Variants in SERPINE2 observed in about 807,000 individuals in gnomAD.
SERPINE2 encodes serpin family E member 2, also known as glia-derived nexin.
SERPINE2 carries 14 observed loss-of-function variants against 36.3 expected under a neutral mutation model. The observed-to-expected ratio is 0.39, with a 90% CI of 0.25 to 0.60. The LOEUF is 0.60. Ranked by LOEUF, SERPINE2 falls within the 20% of genes least tolerant of loss-of-function variation. The pLI is 0.57. For synonymous variants in SERPINE2, 192 were observed against 191.8 expected (o/e 1.00, Z -0.01); for missense variants, 418 against 499.6 (o/e 0.84, Z 1.56).
intron 6 of SERPINE2, 104 bp from the exon 7 acceptor site, chr2:223,980,501 T>C: frequency 1.1e-6 from 1 of 949,252 alleles, no homozygotes; most frequent in South Asian, 1.4e-5. Flanking sequence ...AATTCCAATT[T>C]TTAAAGTGTC....
chr2:223,998,273 A>G lies in SERPINE2; in HGVS notation c.329T>C (p.Val110Ala), dbSNP rs756488727. 6.2e-7 allele frequency: 1 copy of G among 1,614,246 alleles called. No individual in the cohort carries two copies. The highest frequency in any genetic ancestry group is 8.5e-7 in the Non-Finnish European group (1 of 1,180,020). ...ATTCTTAACAAACACGGCGTTAGCC[A>G]CTGTCACAATGTCTTTATTCTTCTT... is the stretch of plus-strand genomic sequence containing the variant. ...VSKKNKDIVT[V>A]ANAVFVKNAS... is the part of the protein sequence containing the mutation. The change falls in exon 3 of 9, where the codon GTG (valine) becomes GCG (alanine). Residue 110 changes from valine to alanine, a missense_variant. By Grantham distance (64) the Val-to-Ala change is moderately conservative (BLOSUM62 0). Coordinates refer to ENST00000409304, the MANE Select transcript of SERPINE2 (RefSeq NM_001136528.2).
chr2:224,036,774 A>T (rs1692551220), intron 1 of SERPINE2, among the ~76,000 whole-genome samples: 1 of 152,150 alleles, frequency 6.6e-6, no homozygotes, highest in Non-Finnish European at 1.5e-5. Flanking sequence ...CGTGGTTGTC[A>T]CTACAGGTGA....
chr2:224,033,662 C>CAAA (rs11394673), intron 1 of SERPINE2, among the ~76,000 whole-genome samples: 3 of 126,580 alleles, frequency 2.4e-5, no homozygotes, highest in Non-Finnish European at 3.3e-5. Context: ...AGTTCCATGG[C>CAAA]AAAAAAAAAA....
intron 8 of SERPINE2, among the ~76,000 whole-genome samples, chr2:223,976,747 G>A (rs1356637188): frequency 6.6e-6 from 1 of 152,210 alleles, no homozygotes; most frequent in African/African-American, 2.4e-5. Flanking sequence ...CTTAAGGCCA[G>A]AGCCAAGTTT....
At chr2:223,992,333 A>G (rs758761238) in intron 3 of SERPINE2, among the ~76,000 whole-genome samples, 6 of 85,638 alleles carry the variant, frequency 7.0e-5, no homozygotes, top group Non-Finnish European at 1.1e-4. Flanking sequence ...GCTACATTTG[A>G]TAATGAATTA....
chr2:224,024,472 G>A (rs76027831), intron 1 of SERPINE2, among the ~76,000 whole-genome samples: 1 of 152,176 alleles, frequency 6.6e-6, no homozygotes, highest in Non-Finnish European at 1.5e-5. Flanking sequence ...GCCTTGTGAA[G>A]GGATTTAAGG....
chr2:224,011,182 G>A (rs961355241), intron 1 of SERPINE2, among the ~76,000 whole-genome samples: 2 of 152,154 alleles, frequency 1.3e-5, no homozygotes, highest in Admixed American at 6.5e-5. Flanking sequence ...TCTTTAAGAC[G>A]TAATGGTCCA....
chr2:224,024,492 C>A (rs1484995674), intron 1 of SERPINE2, among the ~76,000 whole-genome samples: 1 of 152,130 alleles, frequency 6.6e-6, no homozygotes, highest in Non-Finnish European at 1.5e-5. Context: ...GGCCAGGGGA[C>A]GTTTGCTATT....
chr2:224,019,546 T>A (rs1422261404), intron 1 of SERPINE2, among the ~76,000 whole-genome samples: 1 of 150,520 alleles, frequency 6.6e-6, no homozygotes, highest in Non-Finnish European at 1.5e-5. Context: ...ACCTTGTTCA[T>A]CCTGTTCACC....
chr2:223,994,157 C>T (rs773829833), intron 3 of SERPINE2, among the ~76,000 whole-genome samples: 2 of 152,196 alleles, frequency 1.3e-5, no homozygotes, highest in Non-Finnish European at 2.9e-5. Context: ...CCCACCATGA[C>T]ACCTGCAGTA....
At chr2:224,016,473 T>A (rs1175684597) in intron 1 of SERPINE2, among the ~76,000 whole-genome samples, 1 of 149,360 alleles carries the variant, frequency 6.7e-6, no homozygotes, top group Non-Finnish European at 1.5e-5. Flanking sequence ...GCTATTGCAC[T>A]CCAGCCTGGG....
chr2:224,011,001 GTC>G, intron 1 of SERPINE2, among the ~76,000 whole-genome samples: 1 of 152,258 alleles, frequency 6.6e-6, no homozygotes, highest in East Asian at 1.9e-4. Context: ...GCGTTTTGCC[GTC>G]TCTGTAAGAG....
At chr2:224,038,699 G>C (rs1282681229) in intron 1 of SERPINE2, 2 of 616,726 alleles carry the variant, frequency 3.2e-6, no homozygotes, top group Non-Finnish European at 5.8e-6. Context: ...TCCGGGGTAG[G>C]GGTTGCCGGC....
intron 1 of SERPINE2, among the ~76,000 whole-genome samples, chr2:224,003,771 G>C (rs183490101): frequency 2.0e-5 from 3 of 152,206 alleles, no homozygotes; most frequent in African/African-American, 4.8e-5. Context: ...TCTTCCCCAA[G>C]AGGCCCAAGC....
chr2:223,996,507 C>A (rs1009933846), intron 3 of SERPINE2, among the ~76,000 whole-genome samples: 1 of 152,188 alleles, frequency 6.6e-6, no homozygotes, highest in Non-Finnish European at 1.5e-5. Flanking sequence ...CTTTGTCCAC[C>A]TCTTCACTAG....
intron 1 of SERPINE2, among the ~76,000 whole-genome samples, chr2:224,006,096 A>G (rs535032245): frequency 6.6e-6 from 1 of 152,344 alleles, no homozygotes; most frequent in South Asian, 2.1e-4. Flanking sequence ...TAACCCTAAC[A>G]TTTATAAATA....
At chr2:223,988,651 A>G (rs1203035896) in intron 4 of SERPINE2, among the ~76,000 whole-genome samples, 1 of 152,220 alleles carries the variant, frequency 6.6e-6, no homozygotes, top group Non-Finnish European at 1.5e-5. Context: ...ACCATAAAAC[A>G]TTTGTAACAA....
At chr2:223,992,297 TA>T (rs1053856634) in intron 3 of SERPINE2, among the ~76,000 whole-genome samples, 1 of 152,058 alleles carries the variant, frequency 6.6e-6, no homozygotes, top group African/African-American at 2.4e-5. Flanking sequence ...GTCCAGGCTT[TA>T]AAAAAATCTT....
At chr2:224,011,621 A>C (rs1691624659) in intron 1 of SERPINE2, among the ~76,000 whole-genome samples, 1 of 152,234 alleles carries the variant, frequency 6.6e-6, no homozygotes, top group African/African-American at 2.4e-5. Context: ...CCAATTAAAA[A>C]ATGAGTGTCA....
Sources: gnomAD v4.1 joint callset for allele counts (sites outside exome capture counted in the v4.1 genomes callset) on GRCh38, gnomAD v4.1.1 for gene constraint, MANE v1.5 for transcripts, NCBI Gene and HGNC (gene_info 2026-07-23, HGNC 2026-07-21) for gene names.